Variants in TYW1B observed in about 807,000 individuals in gnomAD.
The protein encoded by TYW1B is S-adenosyl-L-methionine-dependent tRNA 4-demethylwyosine synthase TYW1B.
Under a neutral mutation model 86.9 loss-of-function variants are expected in TYW1B, and 73 were observed. The ratio of observed to expected loss-of-function variants is 0.84; its 90% confidence interval spans 0.70 to 1.02. TYW1B has a LOEUF of 1.02. Among genes scored for constraint, TYW1B ranks in the 50% least tolerant of loss-of-function variants. The pLI, the probability that TYW1B is intolerant of heterozygous loss-of-function variation, is 0.00. For synonymous variants in TYW1B, 248 were observed against 292.8 expected, an observed-to-expected ratio of 0.85 and a Z score of 1.56; for missense variants, 637 against 827.4, an observed-to-expected ratio of 0.77 and a Z score of 2.82.
intron 7 of TYW1B, among the ~76,000 whole-genome samples, chr7:72,766,524 G>C (rs1347448734): frequency 7.2e-6 from 1 of 139,326 alleles, no homozygotes; most frequent in Non-Finnish European, 1.5e-5. Flanking sequence ...TTAGGCAGGA[G>C]AATCACTTGA....
chr7:72,781,674 C>T (rs1230458235), intron 6 of TYW1B, among the ~76,000 whole-genome samples: 9 of 152,202 alleles, frequency 5.9e-5, no homozygotes, highest in Admixed American at 3.9e-4. Context: ...TTCTTGTCCA[C>T]GGTCTTGCTT....
At position 72,683,845 on chromosome 7, in the gene TYW1B, C is replaced by T. The variant is rs1340533727; in HGVS notation, c.1506+10842G>A. 2.0e-5 allele frequency among the ~76,000 whole-genome samples: 3 copies of T among 152,078 alleles called. No homozygotes were observed. The East Asian group carries it at 5.8e-4, about 29-fold the overall frequency. On this transcript the variant is annotated intron_variant, in intron 11 of 13. Transcript: ENST00000620995. ...GCAAAGGGCTCCAGTGGATAAAGTACACAGCACACAAGAACAGATGGACAA... is the reference window on the plus strand; with the variant it reads ...GCAAAGGGCTCCAGTGGATAAAGTATACAGCACACAAGAACAGATGGACAA...
At chr7:72,592,236 A>G (rs1247193316) in intron 13 of TYW1B, among the ~76,000 whole-genome samples, 1 of 151,172 alleles carries the variant, frequency 6.6e-6, no homozygotes, top group East Asian at 1.9e-4. Context: ...AAAAGGTGTT[A>G]TTCTGTGACA....
At chr7:72,812,160 A>G (rs1283102894) in intron 3 of TYW1B, among the ~76,000 whole-genome samples, 1 of 150,706 alleles carries the variant, frequency 6.6e-6, no homozygotes, top group Admixed American at 6.6e-5. Context: ...TTAAATCTGC[A>G]TATACATAAT....
chr7:72,602,833 AACACACACACACACACAC>A (rs55709140), intron 13 of TYW1B, among the ~76,000 whole-genome samples: 156 of 128,114 alleles, frequency 1.2e-3, no homozygotes, highest in Admixed American at 7.3e-4. Flanking sequence ...AAGTGCTCAA[AACACACACACACACACAC>A]ACACACACAC....
At chr7:72,710,077 A>G (rs1341227578) in intron 10 of TYW1B, among the ~76,000 whole-genome samples, 1 of 152,176 alleles carries the variant, frequency 6.6e-6, no homozygotes, top group Non-Finnish European at 1.5e-5. Context: ...TTTCGGGTAA[A>G]TATCTTATAT....
intron 6 of TYW1B, among the ~76,000 whole-genome samples, chr7:72,797,023 T>C (rs1248753865): frequency 6.6e-6 from 1 of 151,852 alleles, no homozygotes; most frequent in Non-Finnish European, 1.5e-5. Context: ...GTTAGGCTGG[T>C]CTCGAACTCC....
chr7:72,659,527 G>A (rs1425736953), intron 11 of TYW1B, among the ~76,000 whole-genome samples: 1 of 152,176 alleles, frequency 6.6e-6, no homozygotes, highest in Non-Finnish European at 1.5e-5. Context: ...ACAGTGAGCC[G>A]AGATCATGCC....
chr7:72,693,642 AC>A (rs1215510258), intron 11 of TYW1B, among the ~76,000 whole-genome samples: 4 of 151,494 alleles, frequency 2.6e-5, no homozygotes, highest in African/African-American at 9.7e-5. Context: ...CGATCTGCCC[AC>A]CTTGGCCTCT....
intron 7 of TYW1B, among the ~76,000 whole-genome samples, chr7:72,764,972 T>C (rs554411993): frequency 6.6e-6 from 1 of 152,290 alleles, no homozygotes; most frequent in South Asian, 2.1e-4. Flanking sequence ...CTCCCAAAAT[T>C]CACAAACGTT....
At chr7:72,827,791 T>C (rs1554481714) in intron 1 of TYW1B, among the ~76,000 whole-genome samples, 1 of 152,086 alleles carries the variant, frequency 6.6e-6, no homozygotes. Context: ...ATTTCAAAAG[T>C]CGAAGCCTGA....
chr7:72,791,526 C>T (rs1480289190), intron 6 of TYW1B, among the ~76,000 whole-genome samples: 6 of 152,112 alleles, frequency 3.9e-5, no homozygotes, highest in Admixed American at 2.6e-4. Flanking sequence ...GCCTGTAATC[C>T]CAGCACTTTG....
chr7:72,630,622 T>C (rs186441115), intron 11 of TYW1B, among the ~76,000 whole-genome samples: 1 of 152,306 alleles, frequency 6.6e-6, no homozygotes, highest in African/African-American at 2.4e-5. Flanking sequence ...GAAATCTTCA[T>C]TGAAGGAAAC....
chr7:72,789,090 CAA>C (rs2129572258), intron 6 of TYW1B, among the ~76,000 whole-genome samples: 1 of 152,186 alleles, frequency 6.6e-6, no homozygotes, highest in South Asian at 2.1e-4. Flanking sequence ...CTCAGCCTCC[CAA>C]AGTGCTGAGA....
intron 9 of TYW1B, among the ~76,000 whole-genome samples, chr7:72,720,153 T>C (rs1488270992): frequency 3.3e-5 from 5 of 152,120 alleles, no homozygotes; most frequent in Admixed American, 2.6e-4. Context: ...GATTTTCAAA[T>C]GGATTGGATG....
At chr7:72,591,881 T>G (rs1379323192) in intron 13 of TYW1B, among the ~76,000 whole-genome samples, 1 of 152,088 alleles carries the variant, frequency 6.6e-6, no homozygotes, top group Admixed American at 6.6e-5. Flanking sequence ...GTGTGTGTAG[T>G]GGTGTGATCT....
chr7:72,680,998 A>G (rs573466955), intron 11 of TYW1B, among the ~76,000 whole-genome samples: 82 of 152,320 alleles, frequency 5.4e-4, no homozygotes, highest in African/African-American at 1.9e-3. Context: ...AAACAAAATT[A>G]CCTACTGTAA....
intron 11 of TYW1B, among the ~76,000 whole-genome samples, chr7:72,658,254 A>T (rs1353436759): frequency 1.4e-5 from 2 of 143,478 alleles, no homozygotes; most frequent in South Asian, 2.3e-4. Flanking sequence ...CCGTCTCAAT[A>T]AAAAAAAAAA....
intron 11 of TYW1B, among the ~76,000 whole-genome samples, chr7:72,678,619 CTTTTT>C (rs56738372): frequency 2.9e-3 from 319 of 110,404 alleles, no homozygotes; most frequent in African/African-American, 9.1e-3. Flanking sequence ...AATTCCAGCA[CTTTTT>C]TTTTTTTTTT....
Sources: allele counts gnomAD v4.1 joint callset (sites outside exome capture counted in the v4.1 genomes callset), GRCh38; gene constraint gnomAD v4.1.1; transcripts MANE v1.5; gene names NCBI Gene and HGNC (gene_info 2026-07-23, HGNC 2026-07-21).